Variants in CDK12 observed in about 807,000 individuals in gnomAD.
CDK12 encodes cyclin dependent kinase 12.
CDK12 carries 17 observed loss-of-function variants against 133.8 expected under a neutral mutation model. That is an observed-to-expected ratio of 0.13 (90% CI 0.09 to 0.19). The LOEUF is 0.19. Among genes scored for constraint, CDK12 ranks in the 10% least tolerant of loss-of-function variants. CDK12 has a pLI of 1.00. For missense variants in CDK12, 1,508 were observed against 1,818.7 expected, an observed-to-expected ratio of 0.83 and a Z score of 3.11; for synonymous variants, 694 against 683.6, an observed-to-expected ratio of 1.02 and a Z score of -0.24.
intron 5 of CDK12, among the ~76,000 whole-genome samples, chr17:39,496,277 T>G (rs1196169492): frequency 6.6e-6 from 1 of 152,188 alleles, no homozygotes; most frequent in Non-Finnish European, 1.5e-5. Flanking sequence ...AAAGGTTATT[T>G]CGTGTTGTAT....
At chr17:39,529,629 C>G (rs2054706144) in intron 13 of CDK12, among the ~76,000 whole-genome samples, 1 of 152,166 alleles carries the variant, frequency 6.6e-6, no homozygotes, top group African/African-American at 2.4e-5. Context: ...CATCTCTCCT[C>G]TCCTGCCTTG....
At chr17:39,562,627 T>C (rs1424840543) in intron 3 of CDK12, among the ~76,000 whole-genome samples, 5 of 152,204 alleles carry the variant, frequency 3.3e-5, no homozygotes, top group East Asian at 3.8e-4. Context: ...GCTAAACTCA[T>C]TTGCACAACT....
intron 4 of CDK12, 90 bp downstream of exon 4, chr17:39,492,980 A>T: frequency 8.6e-7 from 1 of 1,163,996 alleles, no homozygotes; most frequent in Middle Eastern, 2.2e-4. Context: ...GTAAATTCTG[A>T]GGTGTTTTGT....
downstream of CDK12, among the ~76,000 whole-genome samples, chr17:39,536,277 G>A (rs2055131572): frequency 6.6e-6 from 1 of 152,100 alleles, no homozygotes; most frequent in Non-Finnish European, 1.5e-5. Context: ...ACCCTACCAG[G>A]TATTTAGAGT....
upstream of CDK12, chr17:39,550,010 GTCTCTC>G (rs144728868): frequency 6.9e-5 from 10 of 145,118 alleles, no homozygotes; most frequent in South Asian, 2.2e-4. Context: ...CTCTCTCTCT[GTCTCTC>G]TCTCTCTCTC....
rs763101340 is a variant in CDK12, at chr17:39,461,538, A to G, written c.-534A>G. On this transcript the variant is annotated 5_prime_UTR_variant, in exon 1 of 14. Transcript: ENST00000447079. ...GTGACTGGGTCTGTGTGAGGGAGAG[A>G]GTGTGTGTGGTGTGGAGGTGAAACG... 18 of 242,632 alleles carry G rather than the reference A, an allele frequency of 7.4e-5. No individual in the cohort carries two copies. The highest frequency in any genetic ancestry group is 1.3e-4 in the Non-Finnish European group (16 of 123,016). 15.0% of individuals were successfully genotyped at this position (242,632 alleles called of 1,614,324 possible).
intron 10 of CDK12, among the ~76,000 whole-genome samples, chr17:39,519,221 G>A (rs140997910): frequency 1.0e-4 from 15 of 150,616 alleles, no homozygotes; most frequent in African/African-American, 3.4e-4. Context: ...CTTAAATCCT[G>A]TGTGGGAGCA....
At chr17:39,476,714 T>TTTTTTTTTTTC (rs2050227098) in intron 2 of CDK12, among the ~76,000 whole-genome samples, 3 of 95,574 alleles carry the variant, frequency 3.1e-5, no homozygotes, top group African/African-American at 1.4e-4. Flanking sequence ...TGCCTGCCTT[T>TTTTTTTTTTTC]TTTTTTTTTT....
At chr17:39,488,979 C>T (rs1330786363) in intron 2 of CDK12, among the ~76,000 whole-genome samples, 2 of 151,642 alleles carry the variant, frequency 1.3e-5, no homozygotes, top group East Asian at 1.9e-4. Context: ...GGAGTGCAGT[C>T]GTGCGATCTC....
chr17:39,544,013 T>G (rs997714133), upstream of CDK12: 1 of 230,012 alleles, frequency 4.3e-6, no homozygotes, highest in African/African-American at 2.2e-5. Flanking sequence ...TTTATCAGCC[T>G]GGGAGCTAGG....
At chr17:39,494,496 T>A in intron 4 of CDK12, 28 bp from the exon 5 acceptor site, 1 of 1,609,376 alleles carries the variant, frequency 6.2e-7, no homozygotes, top group Non-Finnish European at 8.5e-7. Flanking sequence ...TGCTCATTGA[T>A]AATAACAGTT....
intron 6 of CDK12, among the ~76,000 whole-genome samples, chr17:39,509,059 C>G (rs1158946085): frequency 6.6e-6 from 1 of 151,282 alleles, no homozygotes; most frequent in Non-Finnish European, 1.5e-5. Flanking sequence ...AAGTGATTCT[C>G]AAAGCCTGAT....
intron 2 of CDK12, among the ~76,000 whole-genome samples, chr17:39,474,709 A>G (rs907651721): frequency 6.6e-6 from 1 of 151,628 alleles, no homozygotes; most frequent in African/African-American, 2.4e-5. Context: ...ATGCAAGTAC[A>G]GTAAATGGAA....
At chr17:39,526,365 C>G in intron 13 of CDK12, 49 bp downstream of exon 13, 1 of 1,388,750 alleles carries the variant, frequency 7.2e-7, no homozygotes, top group Non-Finnish European at 9.7e-7. Flanking sequence ...CTGTTGATAC[C>G]CTCTTAAAAA....
chr17:39,505,770 A>G (rs561000454), intron 6 of CDK12, among the ~76,000 whole-genome samples: 6 of 152,244 alleles, frequency 3.9e-5, no homozygotes, highest in South Asian at 2.1e-4. Flanking sequence ...AGTATATGCA[A>G]CCTGTTTATA....
intron 6 of CDK12, among the ~76,000 whole-genome samples, chr17:39,509,083 G>A (rs2053320076): frequency 6.6e-6 from 1 of 152,004 alleles, no homozygotes; most frequent in African/African-American, 2.4e-5. Context: ...CAGGCCAGCT[G>A]CATTGGCATC....
intron 2 of CDK12, among the ~76,000 whole-genome samples, chr17:39,483,658 T>C (rs2145642361): frequency 6.6e-6 from 1 of 152,080 alleles, no homozygotes; most frequent in African/African-American, 2.4e-5. Flanking sequence ...AATTATCTCA[T>C]TGAAAAATTT....
At chr17:39,485,957 CTTTTTT>C (rs994932445) in intron 2 of CDK12, among the ~76,000 whole-genome samples, 4 of 142,882 alleles carry the variant, frequency 2.8e-5, no homozygotes, top group Admixed American at 7.1e-5. Context: ...TTTTCTTTTT[CTTTTTT>C]TTTTTTTGAG....
chr17:39,469,750 G>A (rs112533159), intron 1 of CDK12, among the ~76,000 whole-genome samples: 2 of 150,472 alleles, frequency 1.3e-5, no homozygotes, highest in Admixed American at 6.7e-5. Context: ...CGATTCTCCT[G>A]CCTCAGCCTC....
Sources: gnomAD v4.1 joint callset for allele counts (sites outside exome capture counted in the v4.1 genomes callset) on GRCh38, gnomAD v4.1.1 for gene constraint, MANE v1.5 for transcripts, NCBI Gene and HGNC (gene_info 2026-07-23, HGNC 2026-07-21) for gene names.